Variants in IGDCC4 observed in about 807,000 individuals in gnomAD.
IGDCC4 encodes likely ortholog of mouse neighbor of Punc E11.
Under a neutral mutation model 116.6 loss-of-function variants are expected in IGDCC4, and 72 were observed. The ratio of observed to expected loss-of-function variants is 0.62; its 90% CI spans 0.51 to 0.75. IGDCC4 has a LOEUF of 0.75. Ranked by LOEUF, IGDCC4 falls within the 30% of genes least tolerant of loss-of-function variation. The probability of loss-of-function intolerance (pLI) is 0.00; values close to 1 mark genes in which losing one functional copy is unlikely to be tolerated. For synonymous variants in IGDCC4, 709 were observed against 719.9 expected (o/e 0.98, Z 0.24); for missense variants, 1,501 against 1,662.4 (o/e 0.90, Z 1.69).
Position 65,400,876 on chromosome 15 carries a change from A to T in IGDCC4, c.771T>A (p.Ser257=). 1 of 1,614,076 alleles carries T rather than the reference A, an allele frequency of 6.2e-7. No individual in the cohort carries two copies. The highest frequency in any genetic ancestry group is 8.5e-7 in the Non-Finnish European group (1 of 1,179,984). Residue 257 remains serine, a synonymous_variant, in exon 5 of 20, where the codon TCT becomes TCA. Coordinates refer to ENST00000352385, the MANE Select transcript of IGDCC4 (RefSeq NM_020962.3). ...VAAPENTTVV[S]GQSVVMECVA... ...CACATTCCATCACCACACTCTGGCC[A>T]GACACCACTGTGGTGTTCTCTGGGG... is the stretch of plus-strand genomic sequence containing the variant.
intron 10 of IGDCC4, 66 bp from the exon 11 acceptor site, chr15:65,392,436 A>C: frequency 8.0e-7 from 1 of 1,243,712 alleles, no homozygotes; most frequent in Non-Finnish European, 1.1e-6. Context: ...GAAGGAGGCC[A>C]GGGATAGGAG....
At position 65,394,500 on chromosome 15, in the gene IGDCC4, T is replaced by C; in HGVS notation, c.1625A>G (p.Asp542Gly). The change falls in exon 9 of 20, where the codon GAC becomes GGC. Residue 542 changes from aspartate to glycine, a missense_variant. By Grantham distance (94) the Asp-to-Gly change is moderately conservative. Transcript: ENST00000352385. ...CAGGGGCAGCCACGCCACCCTGATGTCCGAAGGGTTGGGGCTGGACAGGGA... is the reference window on the plus strand; with the variant it reads ...CAGGGGCAGCCACGCCACCCTGATGCCCGAAGGGTTGGGGCTGGACAGGGA... ...QLSLSSPNPS[D>G]IRVAWLPLPP... 1.9e-6 allele frequency: 3 copies of C among 1,613,288 alleles called. No homozygotes were observed. The highest frequency in any genetic ancestry group is 2.5e-6 in the Non-Finnish European group (3 of 1,179,520).
Position 65,389,278 on chromosome 15 carries a change from A to G in IGDCC4, c.2536+6T>C, listed in dbSNP as rs1344039465. 6.2e-7 allele frequency: 1 copy of G among 1,611,432 alleles called. No individual in the cohort carries two copies. Among genetic ancestry groups the G allele is most frequent in the East Asian group, 2.2e-5 (1 of 44,830 alleles). On this transcript the variant is annotated splice_donor_region_variant and intron_variant, in intron 14 of 19. Transcript: ENST00000352385. ...GGTTGGTGGCAAGGGGCTGGGAGCC[A>G]CTCACGGTCAGGCAGGGTGGAGCGC...
chr15:65,387,442 G>C (rs543773134), intron 16 of IGDCC4, among the ~76,000 whole-genome samples: 36 of 152,174 alleles, frequency 2.4e-4, no homozygotes, highest in Admixed American at 9.2e-4. Flanking sequence ...TCCTCCTCCC[G>C]GGTTCACGCC....
Position 65,386,775 on chromosome 15 carries a change from T to A in IGDCC4, c.2846-119A>T, listed in dbSNP as rs1045975123. 12 of 700,382 alleles carry A rather than the reference T, an allele frequency of 1.7e-5. No homozygotes were observed. The African/African-American group carries it at 2.1e-4, about 12-fold the overall frequency. The allele number at this position is 700,382 out of a possible 1,614,324, so 43.4% of individuals were successfully genotyped here. ...AGCTGGACCCTCACCCTTCAGATGC[T>A]CACAATCTTCTGATACAAGGACAGG... is the stretch of plus-strand genomic sequence containing the variant. On this transcript the variant is annotated intron_variant, in intron 16 of 19. Coordinates refer to ENST00000352385, the MANE Select transcript of IGDCC4 (RefSeq NM_020962.3).
intron 16 of IGDCC4, 77 bp from the exon 17 acceptor site, chr15:65,386,733 C>T (rs2091464719): frequency 8.9e-7 from 1 of 1,127,004 alleles, no homozygotes; most frequent in Admixed American, 2.1e-5. Context: ...CTATCCATGG[C>T]TTTCTCAGGA....
rs150805500 is a variant in IGDCC4 at position 65,389,387 on chromosome 15, G to T, written c.2433C>A (p.Gly811=). ...YTSSGEDILI[G]GLKPFTKYEF... The stretch of plus-strand genomic sequence containing the variant: ...CGTATTTGGTGAATGGCTTCAAGCC[G>T]CCAATGAGGATGTCTTCTCCAGAAC... The change falls in exon 14 of 20, where the codon GGC becomes GGA. Residue 811 remains glycine, a synonymous_variant. Transcript: ENST00000352385. 2 of 1,614,170 alleles carry T rather than the reference G, an allele frequency of 1.2e-6. No homozygotes were observed. The highest frequency in any genetic ancestry group is 2.2e-5 in the South Asian group (2 of 91,082).
chr15:65,402,846 G>A (rs8039364), intron 3 of IGDCC4, among the ~76,000 whole-genome samples: 5,119 of 152,184 alleles, frequency 0.034, 298 homozygotes, highest in African/African-American at 0.12. Context: ...CAGCCTGGGC[G>A]ACAACAGCAA....
chr15:65,387,201 A>AT (rs1269599993), intron 16 of IGDCC4, among the ~76,000 whole-genome samples: 1 of 151,578 alleles, frequency 6.6e-6, no homozygotes, highest in African/African-American at 2.4e-5. Flanking sequence ...TAATTTTTAA[A>AT]TTTTTTGTGG....
At chr15:65,389,247 A>G (rs780205637) in intron 14 of IGDCC4, 37 bp downstream of exon 14, 1 of 1,603,428 alleles carries the variant, frequency 6.2e-7, no homozygotes, top group South Asian at 1.1e-5. Context: ...AGTTGGGCAA[A>G]AGATGGGTTG....
At chr15:65,412,279 C>T (rs966503835) in intron 1 of IGDCC4, among the ~76,000 whole-genome samples, 6 of 151,510 alleles carry the variant, frequency 4.0e-5, no homozygotes, top group African/African-American at 1.2e-4. Flanking sequence ...TTTGGGAGGC[C>T]GAGGCAGGTG....
chr15:65,393,847 A>G lies in IGDCC4; in HGVS notation c.1715-316T>C, dbSNP rs1261541287. On this transcript the variant is annotated intron_variant, in intron 9 of 19. Transcript: ENST00000352385. The surrounding 1 kb of genome is among the most constrained non-coding windows in gnomAD (Gnocchi z 4.6). ...ACACACACACACGGGATGCAGACAC[A>G]AGAGGCTGACCATGAAGGCCAGCAA... Among the ~76,000 whole-genome samples, 1 of 152,150 alleles carries G rather than the reference A, an allele frequency of 6.6e-6. No individual in the cohort carries two copies. Among genetic ancestry groups the G allele is most frequent in the Non-Finnish European group, 1.5e-5 (1 of 68,036 alleles).
At position 65,393,682 on chromosome 15, in the gene IGDCC4, A is replaced by G. The variant is rs1304777226; in HGVS notation, c.1715-151T>C. The stretch of plus-strand genomic sequence containing the variant: ...AGCACTGACCCCTCAGTGCCTGGGC[A>G]GATTCTATGGCTCCAGGGTTGACGC... On this transcript the variant is annotated intron_variant, in intron 9 of 19. Transcript: ENST00000352385. The surrounding 1 kb of genome is among the most constrained non-coding windows in gnomAD (Gnocchi z 4.6). 1 of 737,386 alleles carries G rather than the reference A, an allele frequency of 1.4e-6. No homozygotes were observed. The highest frequency in any genetic ancestry group is 2.1e-6 in the Non-Finnish European group (1 of 474,268). The allele number at this position is 737,386 out of a possible 1,614,324, so 45.7% of individuals were successfully genotyped here.
chr15:65,394,300 T>G (rs1051225664), intron 9 of IGDCC4, 111 bp downstream of exon 9: 26 of 1,532,360 alleles, frequency 1.7e-5, no homozygotes, highest in Non-Finnish European at 2.3e-5. Context: ...CAACCCCTAC[T>G]CTGCTTCCTT....
chr15:65,394,316 C>CGACT lies in IGDCC4; in HGVS notation c.1714+91_1714+94dup, dbSNP rs2062896941. 15 of 1,565,956 alleles carry CGACT rather than the reference C, an allele frequency of 9.6e-6. No homozygotes were observed. In the Admixed American group the frequency reaches 2.6e-4, roughly 27 times the overall value. ...AACCCCTACTCTGCTTCCTTTCCTC[C>CGACT]GACTCCCGTACCCTGCTCAGGTCTC... On this transcript the variant is annotated intron_variant, in intron 9 of 19. Transcript: ENST00000352385.
intron 16 of IGDCC4, among the ~76,000 whole-genome samples, chr15:65,387,480 T>C (rs543096033): frequency 2.4e-4 from 37 of 152,102 alleles, no homozygotes; most frequent in African/African-American, 8.4e-4. Context: ...TCCTGAGTAG[T>C]TGGGACTACA....
rs1214059109 is a variant in IGDCC4, at chr15:65,396,215, T to TGCCCCTCCCCCCCGTACCCCCAACCC, written c.998-53_998-52insGGGTTGGGGGTACGGGGGGGAGGGGC. The stretch of plus-strand genomic sequence containing the variant: ...CGCGGGATCCCGCAACTAAGGTCTC[T>TGCCCCTCCCCCCCGTACCCCCAACCC]GCCCCCCCCCCAGTACCCCAAGCCT... On this transcript the variant is annotated intron_variant, in intron 6 of 19. Transcript: ENST00000352385. The TGCCCCTCCCCCCCGTACCCCCAACCC allele has an allele frequency of 1.5e-6, 2 of 1,319,016 alleles. 1 individual carries two copies. The highest frequency in any genetic ancestry group is 1.9e-6 in the Non-Finnish European group (2 of 1,028,874). 81.7% of individuals were successfully genotyped at this position (1,319,016 alleles called of 1,614,324 possible).
chr15:65,404,968 C>G (rs1339377938), intron 3 of IGDCC4, among the ~76,000 whole-genome samples: 1 of 152,116 alleles, frequency 6.6e-6, no homozygotes. Context: ...GGGGAGATTG[C>G]TTGAGACCGG....
chr15:65,421,156 C>T (rs934818628), intron 1 of IGDCC4, among the ~76,000 whole-genome samples: 1 of 152,180 alleles, frequency 6.6e-6, no homozygotes, highest in Admixed American at 6.5e-5. Context: ...CTCGGTCCCT[C>T]GCCTGCTTTG....
Sources: gnomAD v4.1 joint callset for allele counts (sites outside exome capture counted in the v4.1 genomes callset) on GRCh38, gnomAD v4.1.1 for gene constraint, Gnocchi (gnomAD v3.1) non-coding constraint, MANE v1.5 for transcripts, NCBI Gene and HGNC (gene_info 2026-07-23, HGNC 2026-07-21) for gene names.